AKR1C8: variants seen among roughly 807,000 people sequenced by gnomAD.
The protein encoded by AKR1C8 is aldo-keto reductase family 1 member C-like protein 1.
chr10:5,146,769 T>C, the AKR1C8 span, among the ~76,000 whole-genome samples: 8 of 152,204 alleles, frequency 5.3e-5, no homozygotes, highest in Non-Finnish European at 1.2e-4. Context: ...TTGCTTTTAT[T>C]GCATTTGCTT....
At chr10:5,176,210 C>T in the AKR1C8 span, among the ~76,000 whole-genome samples, 2 of 145,574 alleles carry the variant, frequency 1.4e-5, no homozygotes, top group East Asian at 2.0e-4. Flanking sequence ...AGCCAGTTTT[C>T]CCAGCACCAT....
chr10:5,149,745 AATT>A, the AKR1C8 span, among the ~76,000 whole-genome samples: 1 of 152,164 alleles, frequency 6.6e-6, no homozygotes, highest in Non-Finnish European at 1.5e-5. Context: ...AGCTTTGATA[AATT>A]ATTAGTGTCT....
chr10:5,157,922 A>G, the AKR1C8 span: 1 of 348,416 alleles, frequency 2.9e-6, no homozygotes, highest in East Asian at 7.9e-5. Context: ...AATTTGATTT[A>G]AAACGGTCTG....
the AKR1C8 span, chr10:5,135,066 A>G: frequency 1.2e-5 from 2 of 173,858 alleles, no homozygotes; most frequent in African/African-American, 4.8e-5. Context: ...CAGGAACACA[A>G]AGCTAAAACC....
chr10:5,161,931 G>A, the AKR1C8 span: 3 of 534,384 alleles, frequency 5.6e-6, no homozygotes, highest in African/African-American at 5.8e-5. Context: ...ACCTTTCTAG[G>A]GCCGGGTGAA....
chr10:5,142,013 C>G, the AKR1C8 span, among the ~76,000 whole-genome samples: 1 of 152,180 alleles, frequency 6.6e-6, no homozygotes, highest in South Asian at 2.1e-4. Flanking sequence ...CATTCAAAAT[C>G]GATTGCTTAT....
the AKR1C8 span, among the ~76,000 whole-genome samples, chr10:5,164,796 T>C: frequency 6.6e-6 from 1 of 152,152 alleles, no homozygotes; most frequent in Non-Finnish European, 1.5e-5. Context: ...TGGCCGAGGC[T>C]ACATCTCAGT....
At chr10:5,175,273 A>G in the AKR1C8 span, among the ~76,000 whole-genome samples, 3 of 151,830 alleles carry the variant, frequency 2.0e-5, no homozygotes, top group East Asian at 3.9e-4. Flanking sequence ...ATGATTTCCA[A>G]TTTCATCCAT....
At chr10:5,139,734 G>T in the AKR1C8 span, among the ~76,000 whole-genome samples, 1 of 152,090 alleles carries the variant, frequency 6.6e-6, no homozygotes, top group African/African-American at 2.4e-5. Context: ...TCAGGACATA[G>T]GCATGGGCAA....
the AKR1C8 span, among the ~76,000 whole-genome samples, chr10:5,156,710 G>A: frequency 6.6e-6 from 1 of 152,058 alleles, no homozygotes; most frequent in Non-Finnish European, 1.5e-5. Flanking sequence ...AATAAAATGG[G>A]CATTTTTTGT....
chr10:5,124,968 C>T, the AKR1C8 span, among the ~76,000 whole-genome samples: 1 of 151,062 alleles, frequency 6.6e-6, no homozygotes, highest in Admixed American at 6.6e-5. Flanking sequence ...TTCTAATTTA[C>T]AGAAAAGTAC....
At chr10:5,123,774 C>A in the AKR1C8 span, 1 of 1,613,360 alleles carries the variant, frequency 6.2e-7, no homozygotes, top group African/African-American at 1.3e-5. Context: ...TTTTGACTTG[C>A]AGAAATCCAG....
the AKR1C8 span, among the ~76,000 whole-genome samples, chr10:5,148,442 A>C: frequency 6.6e-6 from 1 of 152,166 alleles, no homozygotes; most frequent in African/African-American, 2.4e-5. Flanking sequence ...ACACCCAAGA[A>C]AGAAAAATGC....
At chr10:5,170,834 C>T in the AKR1C8 span, among the ~76,000 whole-genome samples, 1 of 152,102 alleles carries the variant, frequency 6.6e-6, no homozygotes, top group African/African-American at 2.4e-5. Flanking sequence ...TCTTATTGCA[C>T]TTATGCAAAT....
At chr10:5,133,349 G>C in the AKR1C8 span, among the ~76,000 whole-genome samples, 3 of 152,040 alleles carry the variant, frequency 2.0e-5, no homozygotes, top group African/African-American at 7.2e-5. Context: ...TGCCTCTGCC[G>C]CCCAAAATGC....
At chr10:5,133,594 A>G in the AKR1C8 span, among the ~76,000 whole-genome samples, 7 of 152,280 alleles carry the variant, frequency 4.6e-5, no homozygotes, top group African/African-American at 1.7e-4. Flanking sequence ...TTCATTCCCA[A>G]GATTTACCTG....
chr10:5,183,603 T>C, the AKR1C8 span, among the ~76,000 whole-genome samples: 1 of 152,008 alleles, frequency 6.6e-6, no homozygotes, highest in Non-Finnish European at 1.5e-5. Context: ...GTTCCCCACA[T>C]GACACCACCA....
At chr10:5,127,089 AC>A in the AKR1C8 span, among the ~76,000 whole-genome samples, 8 of 152,264 alleles carry the variant, frequency 5.3e-5, no homozygotes, top group African/African-American at 1.9e-4. Context: ...AAAAGATCAC[AC>A]TAGCTCCCCA....
At chr10:5,151,670 C>A in the AKR1C8 span, among the ~76,000 whole-genome samples, 1 of 151,240 alleles carries the variant, frequency 6.6e-6, no homozygotes, top group Admixed American at 6.6e-5. Flanking sequence ...GATTCTCCTA[C>A]CTCAGCCTCC....
Sources: gnomAD v4.1 joint callset for allele counts (sites outside exome capture counted in the v4.1 genomes callset) on GRCh38, gnomAD v4.1.1 for gene constraint, MANE v1.5 for transcripts, NCBI Gene and HGNC (gene_info 2026-07-23, HGNC 2026-07-21) for gene names.